The following PPP2R2D variants were observed in gnomAD, a reference collection of about 807,000 sequenced individuals.
PPP2R2D encodes serine/threonine-protein phosphatase 2A 55 kDa regulatory subunit B delta isoform.
In PPP2R2D, 9 loss-of-function variants were observed where a neutral mutation model predicts 31.1. The observed-to-expected ratio is 0.29, with a 90% CI of 0.17 to 0.51. PPP2R2D has a LOEUF of 0.51. Among genes scored for constraint, PPP2R2D ranks in the 20% least tolerant of loss-of-function variants. PPP2R2D has a pLI of 0.98. For missense variants in PPP2R2D, 391 were observed against 465.6 expected, an observed-to-expected ratio of 0.84 and a Z score of 1.48; for synonymous variants, 179 against 172.6, an observed-to-expected ratio of 1.04 and a Z score of -0.29.
chr10:131,918,469 A>G (rs1385806607), intron 2 of PPP2R2D, among the ~76,000 whole-genome samples: 1 of 144,730 alleles, frequency 6.9e-6, no homozygotes, highest in Non-Finnish European at 1.5e-5. Context: ...GGAGTGACAC[A>G]GTGTTTGTAG....
intron 3 of PPP2R2D, among the ~76,000 whole-genome samples, chr10:131,938,579 G>T (rs1183430342): frequency 6.6e-6 from 1 of 152,168 alleles, no homozygotes; most frequent in Non-Finnish European, 1.5e-5. Context: ...TAGCTTCCCA[G>T]AGTTGCTCAT....
downstream of PPP2R2D, among the ~76,000 whole-genome samples, chr10:131,961,912 C>T (rs782595280): frequency 2.0e-5 from 3 of 152,124 alleles, no homozygotes; most frequent in Non-Finnish European, 2.9e-5. Flanking sequence ...CATGCGCCTC[C>T]GCCTGAGTTC....
chr10:131,960,207 C>CGCGGAGGAAGACGTGCCCTCAACAGGT (rs1393350935), downstream of PPP2R2D, among the ~76,000 whole-genome samples: 1 of 152,166 alleles, frequency 6.6e-6, no homozygotes, highest in Non-Finnish European at 1.5e-5. Context: ...CCTCAACAGG[C>CGCGGAGGAAGACGTGCCCTCAACAGGT]GCGGAGGAAG....
rs1195397385 is a variant in PPP2R2D, at chr10:131,929,021, AC to A, written c.101-5436del. Among the ~76,000 whole-genome samples the A allele has an allele frequency of 9.9e-5, 15 of 152,280 alleles. No homozygotes were observed. The East Asian group carries it at 2.7e-3, about 27-fold the overall frequency. On this transcript the variant is annotated intron_variant, in intron 2 of 8. Transcript: ENST00000455566. ...GCCTCTGTCCTCAACCCCAGAACTC[AC>A]GCCTGGAGTTGTTTGTCTGCCTTCG...
the PPP2R2D span, chr10:131,968,993 CAAACT>C: frequency 1.3e-4 from 21 of 159,742 alleles, no homozygotes; most frequent in Non-Finnish European, 1.9e-4. Flanking sequence ...AGAGATGTCC[CAAACT>C]AAAGATGCAG....
intron 2 of PPP2R2D, among the ~76,000 whole-genome samples, chr10:131,906,029 A>G (rs2119709856): frequency 6.6e-6 from 1 of 152,356 alleles, no homozygotes; most frequent in East Asian, 1.9e-4. Flanking sequence ...TTTCCAACCA[A>G]TTCTCAAACT....
At position 131,937,102 on chromosome 10, in the gene PPP2R2D, C is replaced by T. The variant is rs560419946; in HGVS notation, c.198+2547C>T. 4.7e-4 allele frequency among the ~76,000 whole-genome samples: 71 copies of T among 152,250 alleles called. No homozygotes were observed. In the South Asian group the frequency reaches 0.013, roughly 28 times the overall value. On this transcript the variant is annotated intron_variant, in intron 3 of 8. Coordinates refer to ENST00000455566, the MANE Select transcript of PPP2R2D (RefSeq NM_018461.5). ...CGTGTGCGTCTTAGAATCGAAGGAG[C>T]GTGGAGGATTCGGAAGGCTAGTGAG...
chr10:131,960,062 G>A (rs2036901315), downstream of PPP2R2D, among the ~76,000 whole-genome samples: 1 of 152,196 alleles, frequency 6.6e-6, no homozygotes, highest in African/African-American at 2.4e-5. Context: ...GCGCCTGCGG[G>A]GGAAGCCACC....
At chr10:131,943,440 G>T (rs868949563) in intron 5 of PPP2R2D, among the ~76,000 whole-genome samples, 1 of 152,322 alleles carries the variant, frequency 6.6e-6, no homozygotes, top group Middle Eastern at 3.4e-3. Flanking sequence ...GCCAGCCCCA[G>T]ACCAAGAAAT....
intron 2 of PPP2R2D, among the ~76,000 whole-genome samples, chr10:131,918,444 G>A (rs1486728395): frequency 6.8e-6 from 1 of 146,020 alleles, no homozygotes; most frequent in Non-Finnish European, 1.5e-5. Flanking sequence ...GTGTTTTTAG[G>A]GACCTCACAC....
chr10:131,920,934 C>T (rs1564813667), intron 2 of PPP2R2D, among the ~76,000 whole-genome samples: 1 of 152,112 alleles, frequency 6.6e-6, no homozygotes, highest in Non-Finnish European at 1.5e-5. Flanking sequence ...CCTGTCTTTA[C>T]AAAAAGTGAA....
At chr10:131,937,663 G>A (rs1367725792) in intron 3 of PPP2R2D, among the ~76,000 whole-genome samples, 1 of 152,196 alleles carries the variant, frequency 6.6e-6, no homozygotes, top group Non-Finnish European at 1.5e-5. Flanking sequence ...GAAAGGCCAG[G>A]GCAGTGCAGG....
intron 2 of PPP2R2D, among the ~76,000 whole-genome samples, chr10:131,929,761 G>T (rs1211084628): frequency 1.3e-5 from 2 of 152,066 alleles, no homozygotes; most frequent in Non-Finnish European, 2.9e-5. Flanking sequence ...TGACTTCTAG[G>T]GCATGTTTTA....
At chr10:131,922,491 C>T (rs1374258983) in intron 2 of PPP2R2D, among the ~76,000 whole-genome samples, 4 of 147,188 alleles carry the variant, frequency 2.7e-5, no homozygotes, top group Admixed American at 6.8e-5. Flanking sequence ...CTCACACTGT[C>T]ACCCGGGCTG....
intron 5 of PPP2R2D, among the ~76,000 whole-genome samples, chr10:131,943,152 T>C (rs540735718): frequency 2.0e-5 from 3 of 152,288 alleles, no homozygotes; most frequent in African/African-American, 7.2e-5. Context: ...TTTTCATGTG[T>C]GATGCTATTC....
At chr10:131,914,646 G>A (rs2035744261) in intron 2 of PPP2R2D, among the ~76,000 whole-genome samples, 2 of 152,202 alleles carry the variant, frequency 1.3e-5, no homozygotes, top group Admixed American at 6.5e-5. Context: ...GAGTAAGAGT[G>A]TTCTGGGCCC....
chr10:131,950,605 A>G (rs2036619615), intron 8 of PPP2R2D, among the ~76,000 whole-genome samples: 1 of 152,178 alleles, frequency 6.6e-6, no homozygotes, highest in South Asian at 2.1e-4. Context: ...AATGGGAAAC[A>G]ATGTATCACA....
In PPP2R2D at chr10:131,945,342, A is replaced by G. The variant is rs781979918; in HGVS notation, c.703A>G (p.Ile235Val). ...PANMEELTEV[I>V]TAAEFHPHQC... ...TAACATGGAGGAGCTGACCGAAGTC[A>G]TCACTGCAGCCGAGTTCCACCCGCA... Residue 235 changes from isoleucine (I) to valine (V), a missense_variant, in exon 7 of 9, where the codon ATC becomes GTC. Physicochemically the swap from Ile to Val is conservative, Grantham distance 29. Transcript: ENST00000455566. The surrounding 1 kb of genome is among the most constrained non-coding windows in gnomAD (Gnocchi z 4.8). 3 of 1,614,230 alleles carry G rather than the reference A, an allele frequency of 1.9e-6. No homozygotes were observed. Among genetic ancestry groups the G allele is most frequent in the Admixed American group, 1.7e-5 (1 of 60,024 alleles).
intron 8 of PPP2R2D, among the ~76,000 whole-genome samples, chr10:131,954,266 C>T (rs529172766): frequency 1.4e-4 from 21 of 152,238 alleles, no homozygotes; most frequent in Non-Finnish European, 2.9e-4. Flanking sequence ...TATTACCATG[C>T]ACCAGCAATT....
Sources: allele counts gnomAD v4.1 joint callset (sites outside exome capture counted in the v4.1 genomes callset), GRCh38; gene constraint gnomAD v4.1.1; non-coding constraint Gnocchi (gnomAD v3.1); transcripts MANE v1.5; gene names NCBI Gene and HGNC (gene_info 2026-07-23, HGNC 2026-07-21).